Variants in ROBO2 observed in about 807,000 individuals in gnomAD.
ROBO2 encodes the protein roundabout homolog 2.
Under a neutral mutation model 160.8 loss-of-function variants are expected in ROBO2, and 53 were observed. The ratio of observed to expected loss-of-function variants is 0.33; its 90% CI spans 0.26 to 0.41. The LOEUF (loss-of-function observed/expected upper bound fraction) is 0.41. Among genes scored for constraint, ROBO2 ranks in the 10% least tolerant of loss-of-function variants. ROBO2 has a pLI of 1.00. For missense variants in ROBO2, 1,577 were observed against 1,722.4 expected (o/e 0.92, Z 1.49); for synonymous variants, 664 against 611.7 (o/e 1.09, Z -1.26).
At chr3:76,069,935 A>G (rs565703214) in intron 2 of ROBO2, among the ~76,000 whole-genome samples, 10 of 152,292 alleles carry the variant, frequency 6.6e-5, no homozygotes, top group African/African-American at 1.9e-4. Flanking sequence ...ATCTCTAAAC[A>G]TAAGTTGTGA....
rs139333887 is a variant in ROBO2, at chr3:77,294,183, G to T, written c.389-183231G>T. 1.4e-4 allele frequency among the ~76,000 whole-genome samples: 20 copies of T among 141,954 alleles called. 2 individuals carry two copies. The highest frequency in any genetic ancestry group is 5.3e-4 in the African/African-American group (20 of 37,464). 93.1% of individuals were successfully genotyped at this position (141,954 alleles called of 152,430 possible). A position where few individuals can be genotyped will look rare whatever the true frequency, so the allele number is the denominator to read the frequency against. On this transcript the variant is annotated intron_variant, in intron 2 of 25. Transcript: ENST00000461745. ...GGTAAGCTGAGGCTAGATCACCCCA[G>T]ATGTGAAGTAAAATTGACGGCTAAA...
intron 1 of ROBO2, among the ~76,000 whole-genome samples, chr3:75,936,130 A>G (rs1348464300): frequency 8.5e-5 from 13 of 152,210 alleles, no homozygotes; most frequent in Admixed American, 6.5e-4. Context: ...TAGAAATGTC[A>G]TTGTAACCTT....
intron 2 of ROBO2, among the ~76,000 whole-genome samples, chr3:76,871,909 T>C (rs113588297): frequency 0.012 from 1,820 of 152,300 alleles, 28 homozygotes; most frequent in African/African-American, 0.042. Context: ...GATGTAAACC[T>C]GGCAGAAATA....
chr3:77,251,156 C>T (rs4683987), intron 2 of ROBO2, among the ~76,000 whole-genome samples: 70,203 of 151,858 alleles, frequency 0.46, 17,213 homozygotes, highest in East Asian at 0.93. Flanking sequence ...CAAGTCTCTG[C>T]CTGGGCCCCC....
At chr3:77,584,347 C>A (rs1348298668) in intron 16 of ROBO2, among the ~76,000 whole-genome samples, 1 of 152,164 alleles carries the variant, frequency 6.6e-6, no homozygotes, top group Non-Finnish European at 1.5e-5. Flanking sequence ...TCAATACATG[C>A]ATCCCCTTCA....
chr3:76,099,585 A>G (rs945644177), intron 2 of ROBO2, among the ~76,000 whole-genome samples: 1 of 150,728 alleles, frequency 6.6e-6, no homozygotes, highest in East Asian at 1.9e-4. Context: ...ATACTTGAAG[A>G]AAATGACTAA....
intron 1 of ROBO2, among the ~76,000 whole-genome samples, chr3:77,066,695 T>A (rs2149804961): frequency 6.6e-6 from 1 of 152,178 alleles, no homozygotes; most frequent in East Asian, 1.9e-4. Flanking sequence ...GGGGAGTGAT[T>A]GCTTTTATTT....
chr3:76,515,950 C>T (rs1288042677), intron 2 of ROBO2, among the ~76,000 whole-genome samples: 3 of 151,994 alleles, frequency 2.0e-5, no homozygotes, highest in African/African-American at 7.3e-5. Flanking sequence ...ACATGTGGTA[C>T]CGAGAGCAGC....
At chr3:75,934,081 T>C (rs1947661769) in intron 1 of ROBO2, among the ~76,000 whole-genome samples, 1 of 152,166 alleles carries the variant, frequency 6.6e-6, no homozygotes, top group Admixed American at 6.5e-5. Context: ...CGAGAAGTAA[T>C]ACGCGAACAT....
chr3:76,328,346 G>C (rs1483914015), intron 2 of ROBO2, among the ~76,000 whole-genome samples: 1 of 152,142 alleles, frequency 6.6e-6, no homozygotes. Context: ...GTGGTAACTA[G>C]GTAATTTGAT....
intron 2 of ROBO2, among the ~76,000 whole-genome samples, chr3:75,953,932 A>G (rs1948639209): frequency 6.6e-6 from 1 of 151,894 alleles, no homozygotes; most frequent in Non-Finnish European, 1.5e-5. Flanking sequence ...ATCTTTTTGT[A>G]GTATTTTTTA....
chr3:76,630,342 G>C (rs979116860), intron 2 of ROBO2, among the ~76,000 whole-genome samples: 1 of 144,858 alleles, frequency 6.9e-6, no homozygotes, highest in African/African-American at 2.9e-5. Flanking sequence ...GATGGCTCTG[G>C]CCACTCAGGA....
intron 2 of ROBO2, among the ~76,000 whole-genome samples, chr3:77,358,200 C>T (rs78700610): frequency 0.011 from 1,664 of 152,280 alleles, 17 homozygotes; most frequent in Middle Eastern, 0.017. Flanking sequence ...GCCATGTTCT[C>T]TTGGAGACTC....
intron 2 of ROBO2, among the ~76,000 whole-genome samples, chr3:77,181,653 T>G (rs1243793788): frequency 1.3e-5 from 2 of 152,070 alleles, no homozygotes; most frequent in Non-Finnish European, 2.9e-5. Context: ...CCAAATAAAA[T>G]GTTTCGCTTG....
At chr3:76,979,593 G>GGTGTGT (rs149940820) in intron 2 of ROBO2, among the ~76,000 whole-genome samples, 1 of 147,734 alleles carries the variant, frequency 6.8e-6, no homozygotes, top group African/African-American at 2.5e-5. Context: ...GTGTGTGTGT[G>GGTGTGT]GTGTGTGTGT....
intron 2 of ROBO2, among the ~76,000 whole-genome samples, chr3:76,681,542 A>G (rs958687105): frequency 1.3e-5 from 2 of 151,944 alleles, no homozygotes; most frequent in African/African-American, 4.8e-5. Flanking sequence ...GAGGTGATCA[A>G]TGGAAGCTTT....
chr3:76,091,593 T>G (rs1303472488), intron 2 of ROBO2, among the ~76,000 whole-genome samples: 2 of 152,114 alleles, frequency 1.3e-5, no homozygotes, highest in Non-Finnish European at 2.9e-5. Flanking sequence ...CCAAATAAAC[T>G]GAAAACTTAT....
intron 2 of ROBO2, among the ~76,000 whole-genome samples, chr3:76,316,567 A>G (rs1403355946): frequency 1.3e-5 from 2 of 152,168 alleles, no homozygotes; most frequent in African/African-American, 4.8e-5. Flanking sequence ...TTGTTGAAAC[A>G]CACATGTTTT....
intron 2 of ROBO2, among the ~76,000 whole-genome samples, chr3:76,140,163 G>A (rs940891677): frequency 2.0e-5 from 3 of 151,962 alleles, no homozygotes; most frequent in East Asian, 1.9e-4. Context: ...TCAGAATGTC[G>A]CTCAATTTGA....
Sources: allele counts gnomAD v4.1 joint callset (sites outside exome capture counted in the v4.1 genomes callset), GRCh38; gene constraint gnomAD v4.1.1; transcripts MANE v1.5; gene names NCBI Gene and HGNC (gene_info 2026-07-23, HGNC 2026-07-21).